Variants in SEC23IP observed in about 807,000 individuals in gnomAD.
SEC23IP encodes SEC23-interacting protein.
SEC23IP carries 70 observed loss-of-function variants against 113.4 expected under a neutral mutation model. The observed-to-expected ratio is 0.62, with a 90% CI of 0.51 to 0.75. The LOEUF is 0.75. Among genes scored for constraint, SEC23IP ranks in the 30% least tolerant of loss-of-function variants. SEC23IP has a pLI of 0.00. For missense variants in SEC23IP, 1,160 were observed against 1,204.9 expected (o/e 0.96, Z 0.55); for synonymous variants, 398 against 421.0 (o/e 0.95, Z 0.67).
At chr10:119,915,646 C>G in intron 7 of SEC23IP, 102 bp from the exon 8 acceptor site, 1 of 840,252 alleles carries the variant, frequency 1.2e-6, no homozygotes, top group South Asian at 3.9e-5. Context: ...AAAAATGTAT[C>G]TTTATGTTAT....
At chr10:119,905,442 G>T (rs959552288) in intron 4 of SEC23IP, among the ~76,000 whole-genome samples, 1 of 152,130 alleles carries the variant, frequency 6.6e-6, no homozygotes, top group African/African-American at 2.4e-5. Context: ...ACTTTGAAGC[G>T]GGATAGATAT....
chr10:119,928,867 T>G (rs761135139), intron 13 of SEC23IP, among the ~76,000 whole-genome samples: 12 of 152,258 alleles, frequency 7.9e-5, no homozygotes, highest in Non-Finnish European at 1.6e-4. Flanking sequence ...ATAGTTATAA[T>G]AGTAACAGAA....
At chr10:119,898,336 G>A in intron 1 of SEC23IP, 91 bp from the exon 2 acceptor site, 2 of 1,379,392 alleles carry the variant, frequency 1.4e-6, no homozygotes, top group Non-Finnish European at 9.4e-7. Context: ...GAACAAATAA[G>A]GAAGTATAAT....
At chr10:119,908,545 C>T (rs1194769517) in intron 4 of SEC23IP, among the ~76,000 whole-genome samples, 1 of 152,142 alleles carries the variant, frequency 6.6e-6, no homozygotes, top group East Asian at 1.9e-4. Context: ...GACAGACACA[C>T]AGAAAGAATC....
Position 119,919,430 on chromosome 10 carries a change from T to C in SEC23IP, c.1873-14T>C, listed in dbSNP as rs1337943754. 1 of 1,250,592 alleles carries C rather than the reference T, an allele frequency of 8.0e-7. No homozygotes were observed. The highest frequency in any genetic ancestry group is 1.6e-5 in the South Asian group (1 of 62,026). The allele number at this position is 1,250,592 out of a possible 1,614,324, so 77.5% of individuals were successfully genotyped here. A position where few individuals can be genotyped will look rare whatever the true frequency, so the allele number is the denominator to read the frequency against. On this transcript the variant is annotated splice_polypyrimidine_tract_variant and intron_variant, in intron 10 of 18. Transcript: ENST00000369075. ...TCTGAGCTTGTAATGTTTTTCATAC[T>C]TTTTTTTTTAAAGATGCCTGAAGAG... is the stretch of plus-strand genomic sequence containing the variant.
At position 119,907,808 on chromosome 10, in the gene SEC23IP, A is replaced by C. The variant is rs748805430; in HGVS notation, c.1102-1233A>C. 4.5e-4 allele frequency among the ~76,000 whole-genome samples: 69 copies of C among 152,188 alleles called. 1 individual carries two copies. Among genetic ancestry groups the C allele is most frequent in the Admixed American group, 6.5e-4 (10 of 15,286 alleles). On this transcript the variant is annotated intron_variant, in intron 4 of 18. Coordinates refer to ENST00000369075, the MANE Select transcript of SEC23IP (RefSeq NM_007190.4). ...TCTACTAAAAATAGAAAAATTAGCC[A>C]GATGTAGTGGCTCATTGCCTGTAGT...
intron 3 of SEC23IP, among the ~76,000 whole-genome samples, chr10:119,903,396 G>A (rs938624510): frequency 2.0e-5 from 3 of 152,178 alleles, no homozygotes; most frequent in Admixed American, 6.5e-5. Flanking sequence ...TGGAAATGCT[G>A]CTCTCTGTAT....
intron 13 of SEC23IP, among the ~76,000 whole-genome samples, chr10:119,928,050 A>AT: frequency 6.6e-6 from 1 of 152,232 alleles, no homozygotes; most frequent in Non-Finnish European, 1.5e-5. Flanking sequence ...TAAAGAATTA[A>AT]TTTTTTGTGT....
At chr10:119,914,510 A>C in intron 6 of SEC23IP, 2 of 504,358 alleles carry the variant, frequency 4.0e-6, no homozygotes, top group South Asian at 4.2e-5. Context: ...GAACAGAGAG[A>C]GCCTGCTGCC....
intron 4 of SEC23IP, chr10:119,904,572 C>G (rs141139586): frequency 3.8e-6 from 1 of 262,968 alleles, no homozygotes; most frequent in African/African-American, 2.2e-5. Context: ...ATAGAAGATG[C>G]CAAGCATATG....
chr10:119,909,876 ACT>A (rs1397360934), intron 5 of SEC23IP, among the ~76,000 whole-genome samples: 4 of 152,174 alleles, frequency 2.6e-5, no homozygotes, highest in African/African-American at 9.7e-5. Context: ...ACACAGCAAG[ACT>A]CTGTCTAAAT....
intron 1 of SEC23IP, among the ~76,000 whole-genome samples, chr10:119,894,424 T>A (rs982537782): frequency 1.3e-5 from 2 of 152,268 alleles, no homozygotes; most frequent in East Asian, 3.8e-4. Context: ...TTCTTGATGC[T>A]TGTCACTACC....
chr10:119,919,428 A>G lies in SEC23IP; in HGVS notation c.1873-16A>G, dbSNP rs776887487. ...TTTCTGAGCTTGTAATGTTTTTCAT[A>G]CTTTTTTTTTTAAAGATGCCTGAAG... On this transcript the variant is annotated splice_polypyrimidine_tract_variant and intron_variant, in intron 10 of 18. Coordinates refer to ENST00000369075, the MANE Select transcript of SEC23IP (RefSeq NM_007190.4). 3 of 1,578,744 alleles carry G rather than the reference A, an allele frequency of 1.9e-6. No individual in the cohort carries two copies. The highest frequency in any genetic ancestry group is 3.9e-5 in the Admixed American group (2 of 50,668).
At chr10:119,896,850 G>A (rs1337041410) in intron 1 of SEC23IP, among the ~76,000 whole-genome samples, 1 of 151,904 alleles carries the variant, frequency 6.6e-6, no homozygotes, top group East Asian at 1.9e-4. Flanking sequence ...GAGGGTCACT[G>A]ACCTGAAAAG....
chr10:119,902,542 AT>A (rs1248732617), intron 2 of SEC23IP, among the ~76,000 whole-genome samples: 1 of 134,562 alleles, frequency 7.4e-6, no homozygotes, highest in Non-Finnish European at 1.6e-5. Flanking sequence ...AGATATTTTG[AT>A]ACAGGCATGC....
Position 119,917,923 on chromosome 10 carries a change from C to T in SEC23IP, c.1632C>T (p.Ser544=), listed in dbSNP as rs770714772. ...TGCTAGATATTTTATTTTATAACAG[C>T]CCCACCTACTGTCAGACAATTGTGG... is the stretch of plus-strand genomic sequence containing the variant. ...ETLLDILFYN[S]PTYCQTIVEK... The change falls in exon 9 of 19, where the codon AGC becomes AGT. Residue 544 remains serine (S), a synonymous_variant. Coordinates refer to ENST00000369075, the MANE Select transcript of SEC23IP (RefSeq NM_007190.4). The T allele has an allele frequency of 1.2e-6, 2 of 1,613,710 alleles. No homozygotes were observed. The highest frequency in any genetic ancestry group is 2.7e-5 in the African/African-American group (2 of 74,900).
chr10:119,893,312 A>ACTCCTAGGATACGGTAAGATAC (rs1854158063), intron 1 of SEC23IP, among the ~76,000 whole-genome samples: 2 of 150,994 alleles, frequency 1.3e-5, no homozygotes, highest in Non-Finnish European at 3.0e-5. Context: ...CCACTAGGAG[A>ACTCCTAGGATACGGTAAGATAC]CTCCTAGGAT....
intron 13 of SEC23IP, among the ~76,000 whole-genome samples, chr10:119,927,949 A>G (rs1416918986): frequency 6.6e-6 from 1 of 152,196 alleles, no homozygotes; most frequent in Non-Finnish European, 1.5e-5. Context: ...GGCAGTTTAG[A>G]AGGTTGCCTG....
intron 13 of SEC23IP, among the ~76,000 whole-genome samples, chr10:119,926,879 ATTTTC>A (rs1021945763): frequency 1.3e-5 from 2 of 152,118 alleles, no homozygotes; most frequent in Admixed American, 1.3e-4. Context: ...TTACAACTTC[ATTTTC>A]TTTTCTTTTT....
Sources: gnomAD v4.1 joint callset for allele counts (sites outside exome capture counted in the v4.1 genomes callset) on GRCh38, gnomAD v4.1.1 for gene constraint, MANE v1.5 for transcripts, NCBI Gene and HGNC (gene_info 2026-07-23, HGNC 2026-07-21) for gene names.